NRXN3: variants seen among roughly 807,000 people sequenced by gnomAD.
NRXN3 encodes the protein neurexin 3.
Under a neutral mutation model 137.6 loss-of-function variants are expected in NRXN3, and 32 were observed. That is an observed-to-expected ratio of 0.23 (90% CI 0.18 to 0.31). The LOEUF is 0.31. NRXN3 is among the 10% of genes least tolerant of loss of function. The pLI is 1.00. For synonymous variants in NRXN3, 798 were observed against 784.5 expected (o/e 1.02, Z -0.29); for missense variants, 1,574 against 2,062.5 (o/e 0.76, Z 4.59).
intron 3 of NRXN3, chr14:78,282,564 C>G (rs1204142137): frequency 6.0e-6 from 1 of 167,558 alleles, no homozygotes; most frequent in Non-Finnish European, 1.3e-5. Context: ...CCTCCTGCTT[C>G]CATCCATCAG....
intron 15 of NRXN3, among the ~76,000 whole-genome samples, chr14:79,376,330 C>T (rs1218552558): frequency 2.7e-5 from 4 of 146,880 alleles, no homozygotes; most frequent in Non-Finnish European, 6.0e-5. Flanking sequence ...TGACCCATTA[C>T]CTCCCCAATG....
chr14:78,345,424 C>T (rs538351528), intron 4 of NRXN3, among the ~76,000 whole-genome samples: 13 of 152,216 alleles, frequency 8.5e-5, no homozygotes, highest in South Asian at 2.1e-4. Flanking sequence ...AAACAGCAGT[C>T]GGTGGGATTG....
chr14:78,601,029 C>T (rs1015628813), intron 4 of NRXN3, among the ~76,000 whole-genome samples: 1 of 152,184 alleles, frequency 6.6e-6, no homozygotes, highest in Non-Finnish European at 1.5e-5. Context: ...TACTTTACTG[C>T]CCTAGTTCAG....
At chr14:78,706,004 C>T (rs2098343511) in intron 6 of NRXN3, among the ~76,000 whole-genome samples, 1 of 152,186 alleles carries the variant, frequency 6.6e-6, no homozygotes. Context: ...AGAAGAGTTC[C>T]TCTTCACTGC....
chr14:79,490,197 C>T (rs761781899), intron 16 of NRXN3, among the ~76,000 whole-genome samples: 11 of 152,070 alleles, frequency 7.2e-5, no homozygotes, highest in East Asian at 1.9e-4. Flanking sequence ...AAAAGGGAAC[C>T]ACTGAACACT....
chr14:78,866,190 C>T (rs181098302), intron 10 of NRXN3, among the ~76,000 whole-genome samples: 42 of 151,938 alleles, frequency 2.8e-4, no homozygotes, highest in South Asian at 8.3e-4. Flanking sequence ...TCTTGTATAC[C>T]CAGAGAAGCA....
chr14:79,469,628 G>A (rs1048598855), intron 16 of NRXN3, among the ~76,000 whole-genome samples: 2 of 152,112 alleles, frequency 1.3e-5, no homozygotes, highest in East Asian at 1.9e-4. Context: ...TGATACAGCC[G>A]ATTGCTTAAA....
Position 78,425,608 on chromosome 14 carries a change from C to A in NRXN3, c.757+127748C>A, listed in dbSNP as rs145411631. 5.8e-3 allele frequency among the ~76,000 whole-genome samples: 881 copies of A among 152,262 alleles called. 1 individual carries two copies. Among genetic ancestry groups the A allele is most frequent in the African/African-American group, 0.02 (832 of 41,550 alleles). Reference sequence around the variant, plus strand: ...TGCATTCCTTCAGACTCTTCTTACCCTGAATGGAGAGTGCTAGAAACGTTC... The same window carrying A: ...TGCATTCCTTCAGACTCTTCTTACCATGAATGGAGAGTGCTAGAAACGTTC... On this transcript the variant is annotated intron_variant, in intron 4 of 20. Transcript: ENST00000335750.
intron 16 of NRXN3, among the ~76,000 whole-genome samples, chr14:79,640,519 C>T (rs2153957417): frequency 7.4e-6 from 1 of 135,546 alleles, no homozygotes; most frequent in South Asian, 2.3e-4. Flanking sequence ...GCTCATTTTG[C>T]TTAAGTTTTA....
chr14:79,736,200 A>T (rs2098941256), intron 19 of NRXN3, among the ~76,000 whole-genome samples: 1 of 152,124 alleles, frequency 6.6e-6, no homozygotes, highest in Non-Finnish European at 1.5e-5. Flanking sequence ...TCTATTTTCT[A>T]CCAAATAGAA....
intron 6 of NRXN3, among the ~76,000 whole-genome samples, chr14:78,656,933 G>T (rs1280120501): frequency 6.7e-6 from 1 of 150,290 alleles, no homozygotes; most frequent in South Asian, 2.1e-4. Flanking sequence ...TGTAGTCCCA[G>T]CTACTTGAGA....
chr14:79,488,037 C>T (rs2096673919), intron 16 of NRXN3, among the ~76,000 whole-genome samples: 1 of 152,136 alleles, frequency 6.6e-6, no homozygotes, highest in Non-Finnish European at 1.5e-5. Flanking sequence ...AGAGATACTT[C>T]ACTGATCATA....
chr14:78,264,095 G>A (rs1285964292), intron 2 of NRXN3, among the ~76,000 whole-genome samples: 1 of 152,090 alleles, frequency 6.6e-6, no homozygotes, highest in Non-Finnish European at 1.5e-5. Flanking sequence ...GTTGTTTATA[G>A]AGACCAGCCA....
intron 18 of NRXN3, among the ~76,000 whole-genome samples, chr14:79,692,932 T>C (rs958270205): frequency 6.6e-6 from 1 of 152,078 alleles, no homozygotes. Context: ...GTTGTGTGCA[T>C]ACACTTGTGT....
intron 16 of NRXN3, among the ~76,000 whole-genome samples, chr14:79,540,937 G>A (rs2097266160): frequency 6.6e-6 from 1 of 152,076 alleles, no homozygotes; most frequent in African/African-American, 2.4e-5. Context: ...TCTGGAGGTT[G>A]GAAGTCCAAA....
At chr14:79,674,837 G>C (rs1007609434) in intron 17 of NRXN3, among the ~76,000 whole-genome samples, 10 of 152,032 alleles carry the variant, frequency 6.6e-5, no homozygotes, top group Admixed American at 2.0e-4. Flanking sequence ...TTAGAGAAAT[G>C]TGTTTTTCTC....
intron 10 of NRXN3, among the ~76,000 whole-genome samples, chr14:78,904,715 CT>C (rs1195686554): frequency 6.6e-6 from 1 of 151,868 alleles, no homozygotes; most frequent in Non-Finnish European, 1.5e-5. Context: ...TGGCTTTGTC[CT>C]TTTTATCCTA....
At chr14:78,509,417 A>C (rs2096061638) in intron 4 of NRXN3, among the ~76,000 whole-genome samples, 1 of 152,200 alleles carries the variant, frequency 6.6e-6, no homozygotes, top group Non-Finnish European at 1.5e-5. Flanking sequence ...TTGAAAATCT[A>C]AATGAGACTT....
chr14:79,349,883 A>G (rs2153386312), intron 15 of NRXN3, among the ~76,000 whole-genome samples: 1 of 152,260 alleles, frequency 6.6e-6, no homozygotes, highest in Non-Finnish European at 1.5e-5. Flanking sequence ...AGAGGCCTAG[A>G]GCAGCTCTTA....
Sources: gnomAD v4.1 joint callset for allele counts (sites outside exome capture counted in the v4.1 genomes callset) on GRCh38, gnomAD v4.1.1 for gene constraint, MANE v1.5 for transcripts, NCBI Gene and HGNC (gene_info 2026-07-23, HGNC 2026-07-21) for gene names.